Variants in LRRK2 observed in about 807,000 individuals in gnomAD.
LRRK2 encodes the protein leucine-rich repeat serine/threonine-protein kinase 2.
LRRK2 carries 203 observed loss-of-function variants against 302.6 expected under a neutral mutation model. That is an observed-to-expected ratio of 0.67 (90% confidence interval 0.60 to 0.75). LRRK2 has a LOEUF of 0.75. LRRK2 is among the 30% of genes least tolerant of loss of function. The pLI is 0.00. For missense variants in LRRK2, 2,830 were observed against 2,951.0 expected (o/e 0.96, Z 0.95); for synonymous variants, 1,066 against 1,031.9 (o/e 1.03, Z -0.63).
chr12:40,252,935 C>G lies in LRRK2; in HGVS notation c.1207C>G (p.Leu403Val). The change falls in exon 11 of 51, where the codon CTC becomes GTC. Residue 403 changes from leucine (L) to valine (V), a missense_variant. This residue lies in a region of LRRK2 where 2,121 missense variants were observed against 2,148.0 expected (regional missense o/e 0.99). Transcript: ENST00000298910. The part of the protein sequence containing the change: ...GHFPAHREVM[L>V]SMLMHSSSKE... ...TTTCCCAGCTCATAGGGAAGTGATGCTCTCCATGCTGATGCATTCTTCATC... is the reference window on the plus strand; with the variant it reads ...TTTCCCAGCTCATAGGGAAGTGATGGTCTCCATGCTGATGCATTCTTCATC... 2.5e-6 allele frequency: 4 copies of G among 1,613,238 alleles called. No homozygotes were observed. The highest frequency in any genetic ancestry group is 3.4e-6 in the Non-Finnish European group (4 of 1,179,408).
At chr12:40,239,338 A>C (rs1457072914) in intron 5 of LRRK2, among the ~76,000 whole-genome samples, 1 of 152,198 alleles carries the variant, frequency 6.6e-6, no homozygotes, top group South Asian at 2.1e-4. Flanking sequence ...GCTGTCATGT[A>C]TAAATGTTCT....
rs187729852 is a variant in LRRK2, at chr12:40,293,910, T to C, written c.2808+247T>C. ...TTTTTGGGGCACATATATATATATA[T>C]ATATACTTACAGTACACTTCAAGAT... On this transcript the variant is annotated intron_variant, in intron 21 of 50. Coordinates refer to ENST00000298910, the MANE Select transcript of LRRK2 (RefSeq NM_198578.4). 5.3e-5 allele frequency among the ~76,000 whole-genome samples: 8 copies of C among 150,926 alleles called. 1 individual carries two copies.
At chr12:40,244,860 G>GT (rs1306300401) in intron 7 of LRRK2, among the ~76,000 whole-genome samples, 1 of 151,718 alleles carries the variant, frequency 6.6e-6, no homozygotes, top group Admixed American at 6.6e-5. Context: ...TTGTACACAT[G>GT]TACCCTAAAA....
intron 18 of LRRK2, among the ~76,000 whole-genome samples, chr12:40,278,816 C>G (rs1943566164): frequency 6.6e-6 from 1 of 152,162 alleles, no homozygotes; most frequent in Non-Finnish European, 1.5e-5. Context: ...GTTCTGCTCT[C>G]CCTTCAAAAT....
Position 40,340,295 on chromosome 12 carries a change from T to C in LRRK2, c.5950T>C (p.Tyr1984His), listed in dbSNP as rs755227721. 1.9e-6 allele frequency: 3 copies of C among 1,613,534 alleles called. No individual in the cohort carries two copies. The highest frequency in any genetic ancestry group is 2.5e-6 in the Non-Finnish European group (3 of 1,179,504). Reference sequence around the variant, plus strand: ...GATTTCCTGTGCATTTTCTGGCAGATACCTCCACTCAGCCATGATTATATA... The same window carrying C: ...GATTTCCTGTGCATTTTCTGGCAGACACCTCCACTCAGCCATGATTATATA... ...IALHVADGLRYLHSAMIIYRD... is the reference protein window; with the variant it reads ...IALHVADGLRHLHSAMIIYRD... The change falls in exon 41 of 51, where the codon TAC becomes CAC. Residue 1984 changes from tyrosine to histidine, a missense_variant and splice_region_variant. Coordinates refer to ENST00000298910, the MANE Select transcript of LRRK2 (RefSeq NM_198578.4).
intron 3 of LRRK2, 92 bp from the exon 4 acceptor site, chr12:40,235,534 T>C (rs1941411173): frequency 5.1e-6 from 4 of 781,258 alleles, no homozygotes; most frequent in Non-Finnish European, 9.0e-6. Context: ...ACAATGAGAG[T>C]AATAAAAAAT....
chr12:40,348,544 A>G, intron 43 of LRRK2, 35 bp downstream of exon 43: 1 of 1,377,714 alleles, frequency 7.3e-7, no homozygotes, highest in Non-Finnish European at 1.0e-6. Context: ...TTTGTACAGA[A>G]CATCATTTGC....
chr12:40,261,162 A>G (rs1246750821), intron 13 of LRRK2, among the ~76,000 whole-genome samples: 1 of 152,160 alleles, frequency 6.6e-6, no homozygotes, highest in Admixed American at 6.6e-5. Flanking sequence ...TTACTTGAAA[A>G]TATTATTGCA....
At chr12:40,268,726 C>T (rs1054681511) in intron 14 of LRRK2, among the ~76,000 whole-genome samples, 2 of 151,932 alleles carry the variant, frequency 1.3e-5, no homozygotes, top group African/African-American at 4.8e-5. Context: ...TGGCCTAACT[C>T]CAAAAGATAA....
At position 40,227,452 on chromosome 12, in the gene LRRK2, C is replaced by A. The variant is rs373570858; in HGVS notation, c.237+1812C>A. Among the ~76,000 whole-genome samples the A allele has an allele frequency of 8.6e-4, 131 of 152,156 alleles. No homozygotes were observed. In the South Asian group the frequency reaches 0.026, roughly 30 times the overall value. On this transcript the variant is annotated intron_variant, in intron 2 of 50. Coordinates refer to ENST00000298910, the MANE Select transcript of LRRK2 (RefSeq NM_198578.4). ...TACACATTAACCACCTTCTCTTTAT[C>A]CCTCCCCATCCTTTCATTTCCAGTC...
intron 7 of LRRK2, among the ~76,000 whole-genome samples, chr12:40,248,769 C>G (rs1251976682): frequency 6.6e-6 from 1 of 152,152 alleles, no homozygotes; most frequent in Admixed American, 6.5e-5. Flanking sequence ...GATTCAGTGA[C>G]CGAACAGCTG....
At chr12:40,226,366 T>C (rs1390005526) in intron 2 of LRRK2, among the ~76,000 whole-genome samples, 1 of 152,166 alleles carries the variant, frequency 6.6e-6, no homozygotes, top group Non-Finnish European at 1.5e-5. Context: ...TCGGAGCACT[T>C]AGAGATTTGG....
chr12:40,367,573 C>T, intron 50 of LRRK2, 71 bp from the exon 51 acceptor site: 4 of 1,499,106 alleles, frequency 2.7e-6, no homozygotes, highest in South Asian at 2.5e-5. Context: ...ATACATGAGC[C>T]AAACTGAAAT....
At chr12:40,248,941 A>G (rs1367877570) in intron 7 of LRRK2, among the ~76,000 whole-genome samples, 1 of 152,216 alleles carries the variant, frequency 6.6e-6, no homozygotes, top group Non-Finnish European at 1.5e-5. Context: ...AGGCAACAGC[A>G]TGGGAAGGTG....
intron 4 of LRRK2, among the ~76,000 whole-genome samples, chr12:40,236,552 T>C (rs1381958697): frequency 6.6e-6 from 1 of 152,132 alleles, no homozygotes; most frequent in Non-Finnish European, 1.5e-5. Flanking sequence ...AGGGAGCTAA[T>C]CTTGAAGGGC....
Position 40,305,914 on chromosome 12 carries a change from C to T in LRRK2, c.3907C>T (p.His1303Tyr). The T allele has an allele frequency of 6.2e-7, 1 of 1,612,668 alleles. No individual in the cohort carries two copies. The highest frequency in any genetic ancestry group is 8.5e-7 in the Non-Finnish European group (1 of 1,179,106). The change falls in exon 28 of 51, where the codon CAT becomes TAT. Residue 1303 changes from histidine to tyrosine, a missense_variant. Around this residue, in one of 3 missense-constraint regions of LRRK2, gnomAD observed 2,121 missense variants for 2,148.0 expected, o/e 0.99. Coordinates refer to ENST00000298910, the MANE Select transcript of LRRK2 (RefSeq NM_198578.4). ...KIWDLPLDELHLNFDFKHIGC... is the reference protein window; with the variant it reads ...KIWDLPLDELYLNFDFKHIGC... ...ATGGGATCTTCCTTTGGATGAACTGCATCTTAACTTTGATTTTAAACATAT... is the reference window on the plus strand; with the variant it reads ...ATGGGATCTTCCTTTGGATGAACTGTATCTTAACTTTGATTTTAAACATAT...
At chr12:40,367,222 G>T in intron 50 of LRRK2, 145 bp downstream of exon 50, 2 of 697,422 alleles carry the variant, frequency 2.9e-6, no homozygotes, top group Non-Finnish European at 2.4e-6. Flanking sequence ...AAAGAACTTA[G>T]ACATAAATTT....
chr12:40,310,513 G>C lies in LRRK2; in HGVS notation c.4400G>C (p.Ser1467Thr). ...SDEKQRKACM[S>T]KITKELLNKR... The stretch of plus-strand genomic sequence containing the variant: ...GAGAAGCAACGCAAAGCCTGCATGA[G>C]TAAAATCACCAAGGAACTCCTGAAT... The change falls in exon 31 of 51, where the codon AGT becomes ACT. Residue 1467 changes from serine (S) to threonine (T), a missense_variant. By Grantham distance (58) the Ser-to-Thr change is moderately conservative. This residue lies in a region of LRRK2 where 2,121 missense variants were observed against 2,148.0 expected (regional missense o/e 0.99). Transcript: ENST00000298910. 6.2e-7 allele frequency: 1 copy of C among 1,612,884 alleles called. No individual in the cohort carries two copies. Among genetic ancestry groups the C allele is most frequent in the Non-Finnish European group, 8.5e-7 (1 of 1,179,728 alleles).
In LRRK2 at chr12:40,354,628, T is replaced by C. The variant is rs1198146977; in HGVS notation, c.6770+136T>C. ...ATTGGTTTGCATATATTAAAGGGAA[T>C]TGTGGAAGGTCACAGAGATATTTGT... On this transcript the variant is annotated intron_variant, in intron 45 of 50. Coordinates refer to ENST00000298910, the MANE Select transcript of LRRK2 (RefSeq NM_198578.4). 6 of 798,808 alleles carry C rather than the reference T, an allele frequency of 7.5e-6. No individual in the cohort carries two copies. The African/African-American group carries it at 8.6e-5, about 11-fold the overall frequency. 49.5% of individuals were successfully genotyped at this position (798,808 alleles called of 1,614,324 possible). A position where few individuals can be genotyped will look rare whatever the true frequency, so the allele number is the denominator to read the frequency against.
Sources: gnomAD v4.1 joint callset for allele counts (sites outside exome capture counted in the v4.1 genomes callset) on GRCh38, gnomAD v4.1.1 for gene constraint, gnomAD v4.1.1 regional missense constraint, MANE v1.5 for transcripts, NCBI Gene and HGNC (gene_info 2026-07-23, HGNC 2026-07-21) for gene names.